Variants in COL5A2 observed in about 807,000 individuals in gnomAD.
The protein encoded by COL5A2 is collagen alpha-2(V) chain.
In COL5A2, 23 loss-of-function variants were observed where a neutral mutation model predicts 208.2. That is an observed-to-expected ratio of 0.11 (90% confidence interval 0.08 to 0.16). The LOEUF (loss-of-function observed/expected upper bound fraction) is 0.16, where lower values mean the gene tolerates loss of function less well. Ranked by LOEUF, COL5A2 falls within the 10% of genes least tolerant of loss-of-function variation. COL5A2 has a pLI of 1.00. For synonymous variants in COL5A2, 625 were observed against 628.5 expected, an observed-to-expected ratio of 0.99 and a Z score of 0.08; for missense variants, 1,590 against 1,956.4, an observed-to-expected ratio of 0.81 and a Z score of 3.53.
At chr2:189,433,850 G>T in the COL5A2 span, among the ~76,000 whole-genome samples, 1 of 152,172 alleles carries the variant, frequency 6.6e-6, no homozygotes, top group Non-Finnish European at 1.5e-5. Context: ...GCATCATCCT[G>T]ATACCAAATC....
upstream of COL5A2, among the ~76,000 whole-genome samples, chr2:189,181,757 C>T (rs1688783348): frequency 6.6e-6 from 1 of 152,180 alleles, no homozygotes; most frequent in Non-Finnish European, 1.5e-5. Flanking sequence ...CACTCAGTGG[C>T]TGCTCAGATC....
chr2:189,224,798 A>G (rs1409669457), intron 1 of COL5A2, among the ~76,000 whole-genome samples: 1 of 152,156 alleles, frequency 6.6e-6, no homozygotes, highest in Admixed American at 6.6e-5. Flanking sequence ...AAAACTTTCT[A>G]TGCATCCAAA....
intron 1 of COL5A2, among the ~76,000 whole-genome samples, chr2:189,213,045 T>C (rs1689235904): frequency 1.3e-5 from 2 of 151,990 alleles, no homozygotes; most frequent in East Asian, 3.9e-4. Flanking sequence ...CATGTCACCA[T>C]GACTAGCTAA....
the COL5A2 span, among the ~76,000 whole-genome samples, chr2:189,253,387 C>T: frequency 6.6e-6 from 1 of 152,162 alleles, no homozygotes; most frequent in Non-Finnish European, 1.5e-5. Flanking sequence ...ATACCATCTA[C>T]CTCCAGAGAT....
chr2:189,057,311 A>T lies in COL5A2; in HGVS notation c.2337+9T>A. Reference sequence around the variant, plus strand: ...AACTGAAAAAAAAAAAAAAAAAAAAAGGACTTACTCTGTCACCCTTGGGGC... The same window carrying T: ...AACTGAAAAAAAAAAAAAAAAAAAATGGACTTACTCTGTCACCCTTGGGGC... On this transcript the variant is annotated intron_variant, in intron 34 of 53. Coordinates refer to ENST00000374866, the MANE Select transcript of COL5A2 (RefSeq NM_000393.5). The T allele has an allele frequency of 2.0e-6, 3 of 1,466,432 alleles. No individual in the cohort carries two copies. The highest frequency in any genetic ancestry group is 1.9e-6 in the Non-Finnish European group (2 of 1,067,730). 90.8% of individuals were successfully genotyped at this position (1,466,432 alleles called of 1,614,324 possible). A position where few individuals can be genotyped will look rare whatever the true frequency, so the allele number is the denominator to read the frequency against.
chr2:189,334,597 T>A, the COL5A2 span, among the ~76,000 whole-genome samples: 1 of 151,980 alleles, frequency 6.6e-6, no homozygotes, highest in Non-Finnish European at 1.5e-5. Flanking sequence ...TCTAAGTAAA[T>A]GTGAAGATAT....
chr2:189,118,002 C>A (rs923516933), intron 1 of COL5A2, among the ~76,000 whole-genome samples: 2 of 151,934 alleles, frequency 1.3e-5, no homozygotes, highest in Non-Finnish European at 2.9e-5. Flanking sequence ...TCATAATATT[C>A]TTTTGTATAT....
chr2:189,314,794 T>A, the COL5A2 span, among the ~76,000 whole-genome samples: 1 of 152,146 alleles, frequency 6.6e-6, no homozygotes, highest in Non-Finnish European at 1.5e-5. Flanking sequence ...CAGAGAATAT[T>A]ATGAACACCT....
the COL5A2 span, among the ~76,000 whole-genome samples, chr2:189,403,783 G>T: frequency 6.6e-6 from 1 of 152,206 alleles, no homozygotes; most frequent in African/African-American, 2.4e-5. Context: ...AATTGTGGTG[G>T]ATAAGCTTTC....
At chr2:189,060,541 T>C (rs537490131) in intron 31 of COL5A2, among the ~76,000 whole-genome samples, 189 bp downstream of exon 31, 1 of 152,194 alleles carries the variant, frequency 6.6e-6, no homozygotes, top group Admixed American at 6.5e-5. Flanking sequence ...GAAAGTTATC[T>C]AACATCTGTA....
At chr2:189,172,169 G>A (rs1688584706) in intron 1 of COL5A2, among the ~76,000 whole-genome samples, 2 of 152,298 alleles carry the variant, frequency 1.3e-5, no homozygotes, top group South Asian at 4.1e-4. Context: ...AATAAAGACT[G>A]GGTGGGAGCT....
the COL5A2 span, among the ~76,000 whole-genome samples, chr2:189,363,909 C>G: frequency 6.6e-6 from 1 of 152,190 alleles, no homozygotes; most frequent in Non-Finnish European, 1.5e-5. Context: ...GTTGACCCAC[C>G]TGTCATGTAG....
chr2:189,110,251 G>A lies in COL5A2; in HGVS notation c.296C>T (p.Thr99Ile), dbSNP rs773743633. ...AAAATTGGTATTGCCACCTCCAGGT[G>A]TTTGTGAACAGACAGGACAGCATTC... The part of the protein sequence containing the change: ...PGECCPVCSQ[T>I]PGGGNTNFGR... The change falls in exon 2 of 54, where the codon ACA becomes ATA. Residue 99 changes from threonine to isoleucine, a missense_variant. Thr to Ile is a moderately conservative substitution (Grantham distance 89). Coordinates refer to ENST00000374866, the MANE Select transcript of COL5A2 (RefSeq NM_000393.5). 3 of 1,614,018 alleles carry A rather than the reference G, an allele frequency of 1.9e-6. No homozygotes were observed. The South Asian group carries it at 3.3e-5, about 18-fold the overall frequency.
the COL5A2 span, among the ~76,000 whole-genome samples, chr2:189,411,424 G>C: frequency 4.6e-5 from 7 of 152,104 alleles, no homozygotes; most frequent in African/African-American, 1.7e-4. Flanking sequence ...AAGAGAAAGG[G>C]AAGGGCAGAG....
chr2:189,268,034 T>G, the COL5A2 span, among the ~76,000 whole-genome samples: 1 of 152,158 alleles, frequency 6.6e-6, no homozygotes, highest in African/African-American at 2.4e-5. Flanking sequence ...TGTTTCCCTA[T>G]CCCAAAGTGG....
At chr2:189,266,476 C>A in the COL5A2 span, among the ~76,000 whole-genome samples, 1 of 151,718 alleles carries the variant, frequency 6.6e-6, no homozygotes, top group Non-Finnish European at 1.5e-5. Flanking sequence ...CATGGATGAC[C>A]CTTAAAAACT....
At chr2:189,323,357 A>G in the COL5A2 span, among the ~76,000 whole-genome samples, 1 of 152,192 alleles carries the variant, frequency 6.6e-6, no homozygotes, top group Non-Finnish European at 1.5e-5. Context: ...AGGGTATTCA[A>G]TTAGGAAAAG....
At chr2:189,169,146 C>T (rs1166707781) in intron 1 of COL5A2, among the ~76,000 whole-genome samples, 3 of 152,198 alleles carry the variant, frequency 2.0e-5, no homozygotes, top group Non-Finnish European at 4.4e-5. Context: ...AAATGCAACT[C>T]AGAGCAATGC....
chr2:189,380,421 A>G, the COL5A2 span, among the ~76,000 whole-genome samples: 9 of 152,110 alleles, frequency 5.9e-5, no homozygotes, highest in African/African-American at 1.9e-4. Context: ...TAAAATCAAA[A>G]TTAAAATATC....
Sources: gnomAD v4.1 joint callset for allele counts (sites outside exome capture counted in the v4.1 genomes callset) on GRCh38, gnomAD v4.1.1 for gene constraint, MANE v1.5 for transcripts, NCBI Gene and HGNC (gene_info 2026-07-23, HGNC 2026-07-21) for gene names.